Variants in DAB1 observed in about 807,000 individuals in gnomAD.
DAB1 encodes the protein disabled homolog 1.
Under a neutral mutation model 64.6 loss-of-function variants are expected in DAB1, and 15 were observed. The observed-to-expected ratio is 0.23, with a 90% CI of 0.16 to 0.36. The LOEUF is 0.36. Ranked by LOEUF, DAB1 falls within the 10% of genes least tolerant of loss-of-function variation. The pLI is 1.00. For missense variants in DAB1, 596 were observed against 706.7 expected (o/e 0.84, Z 1.78); for synonymous variants, 235 against 251.9 (o/e 0.93, Z 0.64).
intron 6 of DAB1, among the ~76,000 whole-genome samples, chr1:57,789,906 C>T (rs1473373166): frequency 1.3e-5 from 2 of 152,106 alleles, no homozygotes; most frequent in Non-Finnish European, 2.9e-5. Flanking sequence ...TGTGACCTGC[C>T]AAGGTGTGGC....
chr1:57,100,354 TA>T (rs200586111), intron 4 of DAB1, among the ~76,000 whole-genome samples: 1 of 149,738 alleles, frequency 6.7e-6, no homozygotes, highest in Non-Finnish European at 1.5e-5. Flanking sequence ...CTGTACTACC[TA>T]AAAAATCAGA....
chr1:57,423,447 A>T (rs1685086530), intron 1 of DAB1, among the ~76,000 whole-genome samples: 1 of 151,828 alleles, frequency 6.6e-6, no homozygotes, highest in African/African-American at 2.4e-5. Context: ...ACGGAGGAGT[A>T]GGGAAGTGAG....
At chr1:58,114,781 A>G (rs1334769275) in intron 5 of DAB1, among the ~76,000 whole-genome samples, 1 of 152,186 alleles carries the variant, frequency 6.6e-6, no homozygotes. Flanking sequence ...CTCCCTCGTC[A>G]TCCCCTACAA....
chr1:58,446,504 A>G (rs775060236), intron 3 of DAB1, among the ~76,000 whole-genome samples: 14 of 152,228 alleles, frequency 9.2e-5, no homozygotes, highest in Non-Finnish European at 1.9e-4. Flanking sequence ...GGACCTTCCT[A>G]TTTACTGAGC....
chr1:58,449,404 T>A (rs1484247472), intron 3 of DAB1, among the ~76,000 whole-genome samples: 1 of 152,050 alleles, frequency 6.6e-6, no homozygotes, highest in East Asian at 1.9e-4. Flanking sequence ...CTGGCCAGGG[T>A]CCTTGAAACA....
At chr1:57,384,461 T>C (rs570426331) in intron 1 of DAB1, among the ~76,000 whole-genome samples, 72 of 152,326 alleles carry the variant, frequency 4.7e-4, no homozygotes, top group African/African-American at 1.7e-3. Context: ...CACATTTGTC[T>C]ACCCATATTC....
chr1:58,151,093 T>C (rs1490338816), intron 4 of DAB1, among the ~76,000 whole-genome samples: 1 of 152,240 alleles, frequency 6.6e-6, no homozygotes, highest in Non-Finnish European at 1.5e-5. Flanking sequence ...GGTCTATCAT[T>C]GATGGACATT....
chr1:58,048,302 C>T (rs1460045761), intron 5 of DAB1: 1 of 1,232,720 alleles, frequency 8.1e-7, no homozygotes. Flanking sequence ...TCCAAAATCT[C>T]CCCCCTTCAT....
intron 6 of DAB1, among the ~76,000 whole-genome samples, chr1:57,715,799 C>T (rs745691970): frequency 2.6e-5 from 4 of 152,062 alleles, no homozygotes; most frequent in Non-Finnish European, 4.4e-5. Flanking sequence ...ACAAATAAAT[C>T]GAAAGATAGG....
intron 6 of DAB1, among the ~76,000 whole-genome samples, chr1:57,819,256 G>A (rs1652010632): frequency 1.3e-5 from 2 of 152,228 alleles, no homozygotes; most frequent in South Asian, 4.1e-4. Context: ...CTTTGTTCGT[G>A]TTAATTATTT....
intron 4 of DAB1, among the ~76,000 whole-genome samples, chr1:58,211,118 G>C (rs943403774): frequency 6.6e-6 from 1 of 152,082 alleles, no homozygotes; most frequent in Admixed American, 6.6e-5. Context: ...CAGGTGAAGA[G>C]TGTCATGAAC....
At chr1:57,635,533 C>T (rs12079319) in intron 7 of DAB1, among the ~76,000 whole-genome samples, 73,021 of 151,876 alleles carry the variant, frequency 0.48, 18,532 homozygotes, top group East Asian at 0.69. Context: ...GACTCTACTG[C>T]CTAATGATCT....
intron 3 of DAB1, among the ~76,000 whole-genome samples, chr1:58,484,121 C>A (rs1049597891): frequency 6.6e-6 from 1 of 152,176 alleles, no homozygotes; most frequent in East Asian, 1.9e-4. Flanking sequence ...ATTTAGAACA[C>A]CACAGTGAGT....
chr1:58,327,717 T>C (rs1397912507), intron 4 of DAB1, among the ~76,000 whole-genome samples: 1 of 151,842 alleles, frequency 6.6e-6, no homozygotes, highest in Non-Finnish European at 1.5e-5. Flanking sequence ...GAAGGCAGGA[T>C]TGGGAGGCTG....
At chr1:58,042,740 A>G (rs1177680146) in intron 5 of DAB1, among the ~76,000 whole-genome samples, 3 of 152,240 alleles carry the variant, frequency 2.0e-5, no homozygotes, top group Non-Finnish European at 4.4e-5. Context: ...TCTGAAACTC[A>G]GAGTTCAAGG....
intron 2 of DAB1, among the ~76,000 whole-genome samples, chr1:57,262,939 A>G (rs1670292586): frequency 6.6e-6 from 1 of 152,170 alleles, no homozygotes; most frequent in Non-Finnish European, 1.5e-5. Flanking sequence ...GAAGTATTCC[A>G]TGAGCACAAC....
chr1:58,153,985 T>C (rs1655084900), intron 4 of DAB1, among the ~76,000 whole-genome samples: 1 of 151,596 alleles, frequency 6.6e-6, no homozygotes, highest in Admixed American at 6.6e-5. Context: ...ATATCCTATC[T>C]ACCTTGGCAG....
intron 3 of DAB1, among the ~76,000 whole-genome samples, chr1:58,490,550 T>G (rs1645662796): frequency 6.6e-6 from 1 of 152,126 alleles, no homozygotes; most frequent in Non-Finnish European, 1.5e-5. Flanking sequence ...TTCCCCAATC[T>G]AGCAAGGCAG....
intron 5 of DAB1, among the ~76,000 whole-genome samples, chr1:57,897,944 T>C (rs1644416725): frequency 6.6e-6 from 1 of 152,200 alleles, no homozygotes; most frequent in Admixed American, 6.5e-5. Flanking sequence ...AAGGAGCAGA[T>C]GTTTCGGTCC....
Sources: gnomAD v4.1 joint callset for allele counts (sites outside exome capture counted in the v4.1 genomes callset) on GRCh38, gnomAD v4.1.1 for gene constraint, MANE v1.5 for transcripts, NCBI Gene and HGNC (gene_info 2026-07-23, HGNC 2026-07-21) for gene names.